Variants in MROH9 observed in about 807,000 individuals in gnomAD.
The protein encoded by MROH9 is maestro heat-like repeat-containing protein family member 9.
Under a neutral mutation model 98.2 loss-of-function variants are expected in MROH9, and 92 were observed. The observed-to-expected ratio is 0.94, with a 90% confidence interval of 0.79 to 1.11. MROH9 has a LOEUF of 1.11. Ranked by LOEUF, MROH9 falls within the 50% of genes most tolerant of loss-of-function variation. The pLI, the probability that MROH9 is intolerant of heterozygous loss-of-function variation, is 0.00. For synonymous variants in MROH9, 397 were observed against 368.9 expected (o/e 1.08, Z -0.87); for missense variants, 1,057 against 1,014.8 (o/e 1.04, Z -0.57).
intron 3 of MROH9, among the ~76,000 whole-genome samples, chr1:170,951,343 G>T (rs1033624972): frequency 6.6e-6 from 1 of 152,040 alleles, no homozygotes; most frequent in African/African-American, 2.4e-5. Flanking sequence ...GTAAAACTGT[G>T]GTTCTAAGAA....
rs946976277 is a variant in MROH9, at chr1:171,064,462, T to C, written c.*122T>C. 4.9e-6 allele frequency: 5 copies of C among 1,026,720 alleles called. No homozygotes were observed. The African/African-American group carries it at 8.2e-5, about 17-fold the overall frequency. The allele number at this position is 1,026,720 out of a possible 1,614,324, so 63.6% of individuals were successfully genotyped here. Reference sequence around the variant, plus strand: ...CTGACAACTTGAGTCTGTTTGTAGATGCTTTTCTGAAAAATTCTGGAAGCT... The same window carrying C: ...CTGACAACTTGAGTCTGTTTGTAGACGCTTTTCTGAAAAATTCTGGAAGCT... On this transcript the variant is annotated 3_prime_UTR_variant, in exon 22 of 22. Transcript: ENST00000367759.
At chr1:171,044,965 C>T (rs528060027) in intron 20 of MROH9, among the ~76,000 whole-genome samples, 23 of 81,342 alleles carry the variant, frequency 2.8e-4, no homozygotes, top group African/African-American at 9.6e-4. Context: ...TTTATTTCTG[C>T]TCTGATCTTT....
In MROH9 at chr1:171,001,292, G is replaced by A. The variant is rs181269560; in HGVS notation, c.1596+3018G>A. On this transcript the variant is annotated intron_variant, in intron 15 of 21. Transcript: ENST00000367759. ...ATTTTCTTTCTTCGGCTTGGTTTGA[G>A]TTTAGCTTGTTCTTGTTTCTCTAGT... Among the ~76,000 whole-genome samples, 161 of 152,014 alleles carry A rather than the reference G, an allele frequency of 1.1e-3. 1 individual carries two copies. Among genetic ancestry groups the A allele is most frequent in the African/African-American group, 3.7e-3 (153 of 41,504 alleles).
chr1:170,939,345 G>A (rs1406504926), intron 1 of MROH9, among the ~76,000 whole-genome samples: 1 of 152,216 alleles, frequency 6.6e-6, no homozygotes, highest in East Asian at 1.9e-4. Context: ...AGGGAGGATT[G>A]CACTGCTTGG....
chr1:170,944,147 G>T (rs1649230830), intron 1 of MROH9, among the ~76,000 whole-genome samples: 1 of 151,904 alleles, frequency 6.6e-6, no homozygotes. Flanking sequence ...AACTAAAATT[G>T]TATGAGGAGT....
Position 171,053,132 on chromosome 1 carries a change from T to C in MROH9, c.2282-9000T>C, listed in dbSNP as rs144935474. Among the ~76,000 whole-genome samples, 13 of 152,282 alleles carry C rather than the reference T, an allele frequency of 8.5e-5. No individual in the cohort carries two copies. The East Asian group carries it at 2.5e-3, about 29-fold the overall frequency. On this transcript the variant is annotated intron_variant, in intron 20 of 21. Coordinates refer to ENST00000367759, the MANE Select transcript of MROH9 (RefSeq NM_001163629.2). ...TGCTCTAGTTCTGCAGCAAGAAAGA[T>C]CCCAATTTCAGTGCCTATCTCTGGA... is the stretch of plus-strand genomic sequence containing the variant.
rs147848744 is a variant in MROH9 at position 171,016,219 on chromosome 1, C to T, written c.1791C>T (p.Asp597=). The T allele has an allele frequency of 7.6e-5, 117 of 1,538,472 alleles. No individual in the cohort carries two copies. The Middle Eastern group carries it at 8.4e-4, about 11-fold the overall frequency. The change falls in exon 17 of 22, where the codon GAC becomes GAT. Residue 597 remains aspartate (D), a synonymous_variant. Transcript: ENST00000367759. Reference sequence around the variant, plus strand: ...TCCTGGATGCCTTCCTTTCCAAAGACGATAATGTTGTACTTCAGGCCTTGC... The same window carrying T: ...TCCTGGATGCCTTCCTTTCCAAAGATGATAATGTTGTACTTCAGGCCTTGC... ...IAILDAFLSK[D]DNVVLQALLT...
intron 12 of MROH9, among the ~76,000 whole-genome samples, chr1:170,993,730 A>G (rs1174205832): frequency 1.3e-5 from 2 of 152,234 alleles, no homozygotes; most frequent in Non-Finnish European, 2.9e-5. Flanking sequence ...AAAAGAAAAA[A>G]TAACAGCCAT....
At chr1:171,034,974 G>A (rs983634132) in intron 20 of MROH9, among the ~76,000 whole-genome samples, 1 of 152,082 alleles carries the variant, frequency 6.6e-6, no homozygotes, top group Non-Finnish European at 1.5e-5. Context: ...AAGGTGCAAC[G>A]ACAATTGGAA....
At chr1:171,017,967 A>G (rs1192831813) in intron 17 of MROH9, among the ~76,000 whole-genome samples, 2 of 152,050 alleles carry the variant, frequency 1.3e-5, no homozygotes, top group South Asian at 2.1e-4. Flanking sequence ...CTTTCCTCCT[A>G]CTAGTTTGGA....
At chr1:171,047,304 A>T (rs534099309) in intron 20 of MROH9, among the ~76,000 whole-genome samples, 1 of 152,226 alleles carries the variant, frequency 6.6e-6, no homozygotes, top group South Asian at 2.1e-4. Context: ...AGTGACTCTT[A>T]GATTTGCCCT....
chr1:171,050,773 T>C (rs1454258843), intron 20 of MROH9, among the ~76,000 whole-genome samples: 4 of 152,202 alleles, frequency 2.6e-5, no homozygotes, highest in Non-Finnish European at 2.9e-5. Context: ...TTTCATCTTT[T>C]CCCCATTCAG....
chr1:171,024,609 C>T (rs571331463), intron 18 of MROH9, 40 bp from the exon 19 acceptor site: 158 of 1,534,446 alleles, frequency 1.0e-4, no homozygotes, highest in Non-Finnish European at 1.3e-4. Context: ...TATCTAACAA[C>T]AGATGAATAG....
At chr1:170,970,747 AGAGAG>A (rs1557878802) in intron 7 of MROH9, among the ~76,000 whole-genome samples, 15 of 139,502 alleles carry the variant, frequency 1.1e-4, no homozygotes, top group African/African-American at 3.6e-4. Context: ...AGAGAGAGAG[AGAGAG>A]AGAGAGAGAG....
rs1649380855 is a variant in MROH9 at position 170,947,553 on chromosome 1, A to G, written c.52A>G (p.Ser18Gly). The change falls in exon 3 of 22, where the codon AGT becomes GGT. Residue 18 changes from serine to glycine, a missense_variant. Physicochemically the swap from Ser to Gly is moderately conservative, Grantham distance 56. Coordinates refer to ENST00000367759, the MANE Select transcript of MROH9 (RefSeq NM_001163629.2). ...TKSSLQILQDSVKWHHMAHKV... is the reference protein window; with the variant it reads ...TKSSLQILQDGVKWHHMAHKV... Reference sequence around the variant, plus strand: ...GAGTAGTCTCCAGATTCTGCAAGACAGTGTGAAATGGCACCACATGGTAAG... The same window carrying G: ...GAGTAGTCTCCAGATTCTGCAAGACGGTGTGAAATGGCACCACATGGTAAG... 2 of 1,610,894 alleles carry G rather than the reference A, an allele frequency of 1.2e-6. No homozygotes were observed. The highest frequency in any genetic ancestry group is 1.3e-5 in the African/African-American group (1 of 74,744).
chr1:171,015,093 A>G (rs1652283345), intron 16 of MROH9: 3 of 470,830 alleles, frequency 6.4e-6, no homozygotes, highest in Non-Finnish European at 1.3e-5. Context: ...CAAATGTTCT[A>G]TAAATCATTA....
chr1:170,999,557 T>C (rs1284699943), intron 15 of MROH9, among the ~76,000 whole-genome samples: 1 of 152,094 alleles, frequency 6.6e-6, no homozygotes, highest in Non-Finnish European at 1.5e-5. Flanking sequence ...CACACCACCG[T>C]TTCTTTATCC....
chr1:171,024,532 TA>T lies in MROH9; in HGVS notation c.2050del (p.Arg684GlufsTer2). ...PLILFLEDDDKRVAEACKYTL... is the reference protein window; with the variant it reads ...PLILFLEDDDXRVAEACKYTL... ...TAATCCTATTTTTGGAGGATGATGA[TA>T]AAAGAGTAGCTGAAGTAAGTCATTT... On this transcript the variant is annotated frameshift_variant, in exon 18 of 22. Coordinates refer to ENST00000367759, the MANE Select transcript of MROH9 (RefSeq NM_001163629.2). LOFTEE classifies it high-confidence loss of function. 6.5e-7 allele frequency: 1 copy of T among 1,534,302 alleles called. No individual in the cohort carries two copies. Among genetic ancestry groups the T allele is most frequent in the Non-Finnish European group, 8.8e-7 (1 of 1,140,418 alleles).
intron 15 of MROH9, among the ~76,000 whole-genome samples, chr1:171,001,975 C>A (rs1651799156): frequency 6.6e-6 from 1 of 152,114 alleles, no homozygotes; most frequent in South Asian, 2.1e-4. Flanking sequence ...TGGACAAGGC[C>A]TTTTACCATC....
Sources: allele counts gnomAD v4.1 joint callset (sites outside exome capture counted in the v4.1 genomes callset), GRCh38; gene constraint gnomAD v4.1.1; transcripts MANE v1.5; gene names NCBI Gene and HGNC (gene_info 2026-07-23, HGNC 2026-07-21).